SNTG2: variants seen among roughly 807,000 people sequenced by gnomAD.
The protein encoded by SNTG2 is gamma-2-syntrophin.
Under a neutral mutation model 70.9 loss-of-function variants are expected in SNTG2, and 74 were observed. That is an observed-to-expected ratio of 1.04 (90% CI 0.86 to 1.27). The LOEUF is 1.27. Among genes scored for constraint, SNTG2 ranks in the 50% most tolerant of loss-of-function variants. The pLI is 0.00. For synonymous variants in SNTG2, 278 were observed against 273.8 expected (o/e 1.02, Z -0.15); for missense variants, 717 against 690.7 (o/e 1.04, Z -0.43).
intron 9 of SNTG2, 149 bp downstream of exon 9, chr2:1,209,379 A>T: frequency 9.8e-7 from 1 of 1,020,122 alleles, no homozygotes; most frequent in Non-Finnish European, 1.4e-6. Flanking sequence ...TTTGGAATAA[A>T]CAAGTTAAAG....
At chr2:984,131 CAG>C (rs778876715) in intron 1 of SNTG2, among the ~76,000 whole-genome samples, 1 of 152,148 alleles carries the variant, frequency 6.6e-6, no homozygotes, top group African/African-American at 2.4e-5. Context: ...CTTGGCATTG[CAG>C]AGGTGACGCT....
At chr2:1,214,445 G>A (rs1389408527) in intron 9 of SNTG2, among the ~76,000 whole-genome samples, 1 of 151,858 alleles carries the variant, frequency 6.6e-6, no homozygotes, top group Non-Finnish European at 1.5e-5. Flanking sequence ...ATTTTTCATT[G>A]TACAGATCTT....
chr2:1,127,594 T>C (rs1216030982), intron 4 of SNTG2, among the ~76,000 whole-genome samples: 1 of 152,158 alleles, frequency 6.6e-6, no homozygotes, highest in Admixed American at 6.5e-5. Context: ...GAACACGTTA[T>C]GTCATTCCTT....
chr2:1,136,925 G>A (rs564180382), intron 4 of SNTG2, among the ~76,000 whole-genome samples: 6 of 152,132 alleles, frequency 3.9e-5, no homozygotes. Flanking sequence ...ATGAGAATGA[G>A]GGGAAATGCT....
At chr2:1,272,486 G>T (rs1300245456) in intron 14 of SNTG2, among the ~76,000 whole-genome samples, 4 of 70,728 alleles carry the variant, frequency 5.7e-5, no homozygotes, top group Admixed American at 2.4e-4. Context: ...AAAAAAAAAA[G>T]GATTCTGTTA....
chr2:1,197,505 A>ATATATATATGTGTATGTATATATG (rs1553353419), intron 8 of SNTG2, among the ~76,000 whole-genome samples: 1 of 82,296 alleles, frequency 1.2e-5, no homozygotes, highest in African/African-American at 3.8e-5. Flanking sequence ...ATATATGTGT[A>ATATATATATGTGTATGTATATATG]TGTATATATA....
Position 1,209,230 on chromosome 2 carries a change from G to T in SNTG2, c.719G>T (p.Arg240Met), listed in dbSNP as rs201301696. Reference sequence around the variant, plus strand: ...TACAAAGCCGGAACGGAAAAATTAAGGTGTGTGACCATTGTCTGAGATGGG... The same window carrying T: ...TACAAAGCCGGAACGGAAAAATTAATGTGTGTGACCATTGTCTGAGATGGG... ...SRYKAGTEKLRWNAFEVLALD... is the reference protein window; with the variant it reads ...SRYKAGTEKLMWNAFEVLALD... The change falls in exon 9 of 17, where the codon AGG (arginine) becomes ATG (methionine). Residue 240 changes from arginine (R) to methionine (M), a missense_variant and splice_region_variant. By Grantham distance (91) the Arg-to-Met change is moderately conservative (BLOSUM62 -1). Coordinates refer to ENST00000308624, the MANE Select transcript of SNTG2 (RefSeq NM_018968.4). 59 of 1,613,922 alleles carry T rather than the reference G, an allele frequency of 3.7e-5. No individual in the cohort carries two copies. The highest frequency in any genetic ancestry group is 5.0e-5 in the Non-Finnish European group (59 of 1,179,872).
intron 12 of SNTG2, among the ~76,000 whole-genome samples, chr2:1,250,902 G>T (rs572489332): frequency 3.9e-5 from 6 of 151,972 alleles, no homozygotes; most frequent in Non-Finnish European, 8.8e-5. Context: ...GTTATCTATC[G>T]TCTCTTTCTC....
chr2:1,311,694 T>C (rs958056032), intron 15 of SNTG2, among the ~76,000 whole-genome samples: 5 of 152,232 alleles, frequency 3.3e-5, no homozygotes, highest in African/African-American at 9.6e-5. Context: ...AATAATTATT[T>C]AAAATGTTAC....
chr2:1,206,561 A>G (rs112559814), intron 8 of SNTG2, among the ~76,000 whole-genome samples: 83 of 152,268 alleles, frequency 5.5e-4, no homozygotes, highest in African/African-American at 1.8e-3. Flanking sequence ...CTGCTAGGTT[A>G]TAGAAAATAT....
At chr2:1,273,561 T>C (rs1328106411) in intron 14 of SNTG2, among the ~76,000 whole-genome samples, 1 of 151,938 alleles carries the variant, frequency 6.6e-6, no homozygotes, top group African/African-American at 2.4e-5. Flanking sequence ...GAAAGCCTTC[T>C]GGACAAATTA....
At chr2:952,308 A>G (rs4484061) in intron 1 of SNTG2, among the ~76,000 whole-genome samples, 44,909 of 152,086 alleles carry the variant, frequency 0.3, 6,777 homozygotes, top group Admixed American at 0.37. Flanking sequence ...CTTCAGCTTT[A>G]TAATGATGCC....
chr2:973,748 A>G (rs554822970), intron 1 of SNTG2, among the ~76,000 whole-genome samples: 1 of 151,232 alleles, frequency 6.6e-6, no homozygotes, highest in Admixed American at 6.6e-5. Context: ...TTTATACCTT[A>G]TTTTGATTTG....
At chr2:1,079,791 G>A (rs550315544) in intron 1 of SNTG2, among the ~76,000 whole-genome samples, 1 of 152,310 alleles carries the variant, frequency 6.6e-6, no homozygotes, top group East Asian at 1.9e-4. Context: ...TGATGAATTA[G>A]TTGGAAGTTA....
At chr2:1,025,732 G>T (rs1660446142) in intron 1 of SNTG2, among the ~76,000 whole-genome samples, 1 of 152,136 alleles carries the variant, frequency 6.6e-6, no homozygotes, top group African/African-American at 2.4e-5. Context: ...ATGACACTGG[G>T]CCCTCTGGGT....
chr2:1,214,753 A>G (rs1312876330), intron 9 of SNTG2, among the ~76,000 whole-genome samples: 4 of 152,120 alleles, frequency 2.6e-5, no homozygotes, highest in Non-Finnish European at 5.9e-5. Context: ...TGTTCTTGTT[A>G]GCACTTCCAG....
chr2:1,015,430 A>ACC (rs1659859051), intron 1 of SNTG2, among the ~76,000 whole-genome samples: 1 of 152,268 alleles, frequency 6.6e-6, no homozygotes. Context: ...ACAAGCTGGA[A>ACC]GGACGTGTGT....
chr2:1,223,207 C>T (rs1553363121), intron 9 of SNTG2, among the ~76,000 whole-genome samples: 3,628 of 29,230 alleles, frequency 0.12, no homozygotes, highest in Admixed American at 0.15. Context: ...TGATGGAGGG[C>T]GTCTCCCTGT....
intron 16 of SNTG2, among the ~76,000 whole-genome samples, chr2:1,324,626 A>G (rs1681688437): frequency 6.6e-6 from 1 of 152,220 alleles, no homozygotes; most frequent in African/African-American, 2.4e-5. Flanking sequence ...AGAATCTAAT[A>G]ACAGGTGTGC....
Sources: gnomAD v4.1 joint callset for allele counts (sites outside exome capture counted in the v4.1 genomes callset) on GRCh38, gnomAD v4.1.1 for gene constraint, MANE v1.5 for transcripts, NCBI Gene and HGNC (gene_info 2026-07-23, HGNC 2026-07-21) for gene names.